Variants in GRID2 observed in about 807,000 individuals in gnomAD.
GRID2 encodes glutamate receptor ionotropic, delta-2.
GRID2 carries 33 observed loss-of-function variants against 114.8 expected under a neutral mutation model. That is an observed-to-expected ratio of 0.29 (90% CI 0.22 to 0.38). GRID2 has a LOEUF of 0.38. GRID2 is among the 10% of genes least tolerant of loss of function. The probability of loss-of-function intolerance (pLI) is 1.00; values close to 1 mark genes in which losing one functional copy is unlikely to be tolerated. For missense variants in GRID2, 1,184 were observed against 1,257.7 expected (o/e 0.94, Z 0.89); for synonymous variants, 505 against 449.9 (o/e 1.12, Z -1.55).
At chr4:92,869,599 T>C (rs1453412549) in intron 2 of GRID2, among the ~76,000 whole-genome samples, 10 of 152,168 alleles carry the variant, frequency 6.6e-5, no homozygotes, top group Non-Finnish European at 1.2e-4. Flanking sequence ...AAATAACAAC[T>C]GAGTTACCCT....
chr4:93,279,871 C>T (rs1752471848), intron 8 of GRID2, among the ~76,000 whole-genome samples: 3 of 151,872 alleles, frequency 2.0e-5, no homozygotes, highest in Admixed American at 6.6e-5. Flanking sequence ...GCATAGTATA[C>T]ATGACTGGAA....
intron 8 of GRID2, among the ~76,000 whole-genome samples, chr4:93,256,548 G>T (rs1224896867): frequency 6.6e-6 from 1 of 151,578 alleles, no homozygotes; most frequent in African/African-American, 2.4e-5. Context: ...CTATATTGAG[G>T]AACAAAAGTC....
intron 2 of GRID2, among the ~76,000 whole-genome samples, chr4:92,995,096 G>A (rs1350655524): frequency 6.6e-6 from 1 of 152,096 alleles, no homozygotes; most frequent in Non-Finnish European, 1.5e-5. Context: ...CAGAATTGCA[G>A]CCAAAGCATA....
intron 8 of GRID2, among the ~76,000 whole-genome samples, chr4:93,292,305 A>G (rs764469514): frequency 3.3e-5 from 5 of 152,270 alleles, no homozygotes; most frequent in South Asian, 4.2e-4. Context: ...CACATTATCT[A>G]TGCTCTACTG....
chr4:92,389,582 G>C (rs748238446), intron 1 of GRID2, among the ~76,000 whole-genome samples: 2 of 151,994 alleles, frequency 1.3e-5, no homozygotes, highest in Non-Finnish European at 2.9e-5. Flanking sequence ...TTCTAAGTAG[G>C]TGCTACAATC....
chr4:93,543,699 T>A (rs74759132), intron 13 of GRID2, among the ~76,000 whole-genome samples: 5 of 106,670 alleles, frequency 4.7e-5, no homozygotes, highest in African/African-American at 8.0e-5. Context: ...AGAGTGAGAG[T>A]GAGTGAGAGA....
rs554696214 is a variant in GRID2, at chr4:92,782,455, A to G, written c.244+192169A>G. On this transcript the variant is annotated intron_variant, in intron 2 of 15. Coordinates refer to ENST00000282020, the MANE Select transcript of GRID2 (RefSeq NM_001510.4). ...ATGTGTTTCTTTATATTATATACAT[A>G]TGTTTTCACTTAAGCTGCCTGTAAA... 2.2e-4 allele frequency among the ~76,000 whole-genome samples: 34 copies of G among 152,224 alleles called. 1 individual carries two copies. The highest frequency in any genetic ancestry group is 1.2e-3 in the South Asian group (6 of 4,832).
intron 2 of GRID2, among the ~76,000 whole-genome samples, chr4:92,617,637 C>T (rs1730065218): frequency 6.6e-6 from 1 of 151,522 alleles, no homozygotes; most frequent in South Asian, 2.1e-4. Flanking sequence ...TGTTTCATTT[C>T]CTTCCTTTTC....
Position 93,345,306 on chromosome 4 carries a change from T to C in GRID2, c.1246-50301T>C, listed in dbSNP as rs187838032. On this transcript the variant is annotated intron_variant, in intron 8 of 15. Transcript: ENST00000282020. ...TAAGCATTCCCTTTTGTCCACATTC[T>C]CACCAATACTTGTTATCTTTAGTAG... Among the ~76,000 whole-genome samples the C allele has an allele frequency of 6.8e-4, 104 of 152,192 alleles. 1 individual carries two copies. In the South Asian group the frequency reaches 0.01, roughly 15 times the overall value.
chr4:92,381,327 G>A (rs907337120), intron 1 of GRID2, among the ~76,000 whole-genome samples: 4 of 151,868 alleles, frequency 2.6e-5, no homozygotes, highest in African/African-American at 9.7e-5. Flanking sequence ...TCGATCACTC[G>A]ATCACTTCTA....
At position 92,705,803 on chromosome 4, in the gene GRID2, T is replaced by C. The variant is rs528946971; in HGVS notation, c.244+115517T>C. On this transcript the variant is annotated intron_variant, in intron 2 of 15. Transcript: ENST00000282020. Reference sequence around the variant, plus strand: ...GTATTAGAATGCTGTCAGTAACTTATTATAGTATCTTATTGGATGGTCTTT... The same window carrying C: ...GTATTAGAATGCTGTCAGTAACTTACTATAGTATCTTATTGGATGGTCTTT... Among the ~76,000 whole-genome samples the C allele has an allele frequency of 2.6e-5, 4 of 152,312 alleles. No homozygotes were observed. The South Asian group carries it at 6.2e-4, about 24-fold the overall frequency.
At chr4:93,553,708 G>A (rs2149548406) in intron 13 of GRID2, among the ~76,000 whole-genome samples, 1 of 152,222 alleles carries the variant, frequency 6.6e-6, no homozygotes, top group African/African-American at 2.4e-5. Flanking sequence ...AGGAAGATTT[G>A]TCTAAGGTTC....
chr4:92,627,024 T>C (rs34612115), intron 2 of GRID2, among the ~76,000 whole-genome samples: 8,478 of 152,034 alleles, frequency 0.056, 299 homozygotes, highest in East Asian at 0.16. Context: ...AAAAACTCAC[T>C]GGAAAGTTAG....
intron 8 of GRID2, among the ~76,000 whole-genome samples, chr4:93,256,097 T>C (rs895424285): frequency 2.0e-5 from 3 of 152,122 alleles, no homozygotes; most frequent in Admixed American, 1.3e-4. Context: ...TTCTTCCTAT[T>C]CTTTTGACTT....
intron 4 of GRID2, among the ~76,000 whole-genome samples, chr4:93,198,718 T>C (rs1406614314): frequency 6.6e-6 from 1 of 152,080 alleles, no homozygotes; most frequent in Non-Finnish European, 1.5e-5. Flanking sequence ...AGAAACACTT[T>C]GTCAAACAGA....
At chr4:93,030,297 C>A (rs35451605) in intron 2 of GRID2, among the ~76,000 whole-genome samples, 2,150 of 151,974 alleles carry the variant, frequency 0.014, 22 homozygotes, top group East Asian at 0.053. Context: ...AAAAGTGTTT[C>A]TTTTCTACCT....
At chr4:92,374,635 T>C (rs1729272369) in intron 1 of GRID2, among the ~76,000 whole-genome samples, 1 of 152,164 alleles carries the variant, frequency 6.6e-6, no homozygotes, top group South Asian at 2.1e-4. Flanking sequence ...CATCAACACA[T>C]TATGAATAGA....
At chr4:92,677,631 C>T (rs1161152714) in intron 2 of GRID2, among the ~76,000 whole-genome samples, 1 of 152,142 alleles carries the variant, frequency 6.6e-6, no homozygotes, top group East Asian at 1.9e-4. Flanking sequence ...GGTGACAACT[C>T]CATCATTCTG....
At chr4:93,598,636 A>C (rs1383127571) in intron 13 of GRID2, among the ~76,000 whole-genome samples, 2 of 152,218 alleles carry the variant, frequency 1.3e-5, no homozygotes, top group Non-Finnish European at 2.9e-5. Flanking sequence ...AAGTTATAAT[A>C]CTATCTATAT....
Sources: gnomAD v4.1 joint callset for allele counts (sites outside exome capture counted in the v4.1 genomes callset) on GRCh38, gnomAD v4.1.1 for gene constraint, MANE v1.5 for transcripts, NCBI Gene and HGNC (gene_info 2026-07-23, HGNC 2026-07-21) for gene names.